PSD3: variants seen among roughly 807,000 people sequenced by gnomAD.
PSD3 encodes the protein PH and SEC7 domain-containing protein 3.
A neutral mutation model predicts 105.5 loss-of-function variants in PSD3; 49 were observed. The observed-to-expected ratio is 0.46, with a 90% confidence interval of 0.37 to 0.59. PSD3 has a LOEUF of 0.59. Ranked by LOEUF, PSD3 falls within the 20% of genes least tolerant of loss-of-function variation. The probability of loss-of-function intolerance (pLI) is 0.00; values close to 1 mark genes in which losing one functional copy is unlikely to be tolerated. For missense variants in PSD3, 1,561 were observed against 1,263.8 expected (o/e 1.24, Z -3.57); for synonymous variants, 557 against 457.8 (o/e 1.22, Z -2.77).
chr8:18,715,069 G>C (rs567578938), intron 9 of PSD3, among the ~76,000 whole-genome samples: 1 of 152,222 alleles, frequency 6.6e-6, no homozygotes, highest in Non-Finnish European at 1.5e-5. Context: ...TCATAAGTGG[G>C]AGATGAACAA....
At chr8:18,802,386 T>G (rs983909112) in intron 6 of PSD3, 17 of 422,656 alleles carry the variant, frequency 4.0e-5, no homozygotes, top group African/African-American at 3.5e-4. Flanking sequence ...AAAAAAATCA[T>G]TCAAAATGTC....
chr8:18,737,570 G>A (rs1464008274), intron 9 of PSD3, among the ~76,000 whole-genome samples: 1 of 152,150 alleles, frequency 6.6e-6, no homozygotes. Context: ...CCAGAGTGCT[G>A]GGATTACAGG....
At chr8:18,611,834 C>G (rs1167026346) in intron 11 of PSD3, among the ~76,000 whole-genome samples, 1 of 151,652 alleles carries the variant, frequency 6.6e-6, no homozygotes, top group African/African-American at 2.4e-5. Flanking sequence ...GATTGTTTGT[C>G]TGATTATAGA....
chr8:18,573,983 G>A (rs1309604870), intron 13 of PSD3, among the ~76,000 whole-genome samples: 2 of 152,162 alleles, frequency 1.3e-5, no homozygotes, highest in Non-Finnish European at 2.9e-5. Flanking sequence ...AAACCCACCT[G>A]AGAGGAGGTG....
At chr8:19,064,454 G>A (rs750336169) in intron 1 of PSD3, among the ~76,000 whole-genome samples, 1 of 152,072 alleles carries the variant, frequency 6.6e-6, no homozygotes, top group African/African-American at 2.4e-5. Flanking sequence ...AGCATACGAT[G>A]TGTAATGATC....
At chr8:18,981,033 C>A (rs948047360) in intron 1 of PSD3, among the ~76,000 whole-genome samples, 2 of 152,104 alleles carry the variant, frequency 1.3e-5, no homozygotes, top group Non-Finnish European at 1.5e-5. Context: ...GTTATTTGCA[C>A]CCTGGCTCCC....
intron 9 of PSD3, among the ~76,000 whole-genome samples, chr8:18,760,837 C>A (rs549734677): frequency 3.9e-5 from 6 of 152,322 alleles, no homozygotes; most frequent in African/African-American, 7.2e-5. Context: ...CGAGACAAAG[C>A]AGAATCCCAA....
At chr8:19,080,973 T>G (rs1829626378) in intron 1 of PSD3, among the ~76,000 whole-genome samples, 1 of 152,106 alleles carries the variant, frequency 6.6e-6, no homozygotes, top group South Asian at 2.1e-4. Flanking sequence ...AGAAAGCTTT[T>G]CCCCCCTGTC....
Position 18,846,904 on chromosome 8 carries a change from G to C in PSD3, c.1634+20770C>G, listed in dbSNP as rs1433457696. ...GATGAGGTCAGCTCAGAAACGGGTA[G>C]GTGACACAGCCAAAGACAGAGCTCA... On this transcript the variant is annotated intron_variant, in intron 4 of 15. Coordinates refer to ENST00000327040, the MANE Select transcript of PSD3 (RefSeq NM_015310.4). Among the ~76,000 whole-genome samples the C allele has an allele frequency of 5.3e-5, 8 of 152,168 alleles. 1 individual carries two copies. The South Asian group carries it at 1.5e-3, about 28-fold the overall frequency.
chr8:18,877,101 C>T (rs1264528047), intron 2 of PSD3, among the ~76,000 whole-genome samples: 2 of 152,104 alleles, frequency 1.3e-5, no homozygotes, highest in Non-Finnish European at 2.9e-5. Context: ...TGTTTTCTAC[C>T]ATTCTGTGAG....
intron 4 of PSD3, among the ~76,000 whole-genome samples, chr8:18,842,538 C>T (rs763886119): frequency 6.6e-6 from 1 of 152,178 alleles, no homozygotes; most frequent in Admixed American, 6.5e-5. Flanking sequence ...TCGAGACCAT[C>T]CTGGCTAACA....
chr8:18,734,304 C>G (rs1249757748), intron 9 of PSD3: 2 of 152,178 alleles, frequency 1.3e-5, no homozygotes, highest in Admixed American at 6.5e-5. Flanking sequence ...TGTACTATAA[C>G]TTTTCAATGA....
intron 15 of PSD3, among the ~76,000 whole-genome samples, chr8:18,543,708 A>C (rs1365455809): frequency 1.3e-5 from 2 of 152,146 alleles, no homozygotes; most frequent in Non-Finnish European, 2.9e-5. Context: ...TCTACGAGGG[A>C]TAAATAAAAA....
chr8:18,703,469 A>G (rs1022520190), intron 9 of PSD3, among the ~76,000 whole-genome samples: 1 of 152,230 alleles, frequency 6.6e-6, no homozygotes, highest in African/African-American at 2.4e-5. Flanking sequence ...GAGGGGATCA[A>G]GCATTTACTT....
rs572952961 is a variant in PSD3 at position 19,071,200 on chromosome 8, C to G, written c.324+13006G>C. On this transcript the variant is annotated intron_variant, in intron 1 of 1. Coordinates refer to the PSD3 transcript ENST00000521475. ...TCAGCCTCCCGATTAGCTGGGATTA[C>G]AGGTGTGCACCACCATGCCCGGTTA... 3.1e-4 allele frequency among the ~76,000 whole-genome samples: 47 copies of G among 152,204 alleles called. No individual in the cohort carries two copies. The South Asian group carries it at 9.4e-3, about 30-fold the overall frequency.
intron 14 of PSD3, among the ~76,000 whole-genome samples, chr8:18,568,298 T>C (rs1036383937): frequency 7.3e-6 from 1 of 136,190 alleles, no homozygotes; most frequent in Non-Finnish European, 1.6e-5. Context: ...CCCCCTTTCT[T>C]GGCACAACAT....
chr8:18,652,584 G>T (rs1028110566), intron 10 of PSD3, among the ~76,000 whole-genome samples: 1 of 137,670 alleles, frequency 7.3e-6, no homozygotes, highest in Non-Finnish European at 1.5e-5. Context: ...TGCAACCTCT[G>T]TTTCTTGGGT....
At chr8:18,722,389 A>T (rs1189849797) in intron 9 of PSD3, among the ~76,000 whole-genome samples, 1 of 152,168 alleles carries the variant, frequency 6.6e-6, no homozygotes, top group South Asian at 2.1e-4. Flanking sequence ...CCATGTTCTT[A>T]TATGTTCTGT....
intron 1 of PSD3, among the ~76,000 whole-genome samples, chr8:19,004,499 C>A (rs1208687812): frequency 2.6e-5 from 4 of 151,984 alleles, no homozygotes; most frequent in Non-Finnish European, 5.9e-5. Flanking sequence ...GAAAAGACAA[C>A]CCACAGAATG....
Sources: allele counts gnomAD v4.1 joint callset (sites outside exome capture counted in the v4.1 genomes callset), GRCh38; gene constraint gnomAD v4.1.1; transcripts MANE v1.5; gene names NCBI Gene and HGNC (gene_info 2026-07-23, HGNC 2026-07-21).